Variants in C3 observed in about 807,000 individuals in gnomAD.
C3 encodes the protein complement C3.
In C3, 97 loss-of-function variants were observed where a neutral mutation model predicts 207.9. The ratio of observed to expected loss-of-function variants is 0.47; its 90% confidence interval spans 0.40 to 0.55. The LOEUF (loss-of-function observed/expected upper bound fraction) is 0.55. C3 is among the 20% of genes least tolerant of loss of function. The pLI, the probability that C3 is intolerant of heterozygous loss-of-function variation, is 0.00. For missense variants in C3, 1,684 were observed against 2,171.7 expected (o/e 0.78, Z 4.46); for synonymous variants, 848 against 857.6 (o/e 0.99, Z 0.20).
In C3 at chr19:6,710,526, AAGG is replaced by A. The variant is rs202116720; in HGVS notation, c.1686+110_1686+112del. The A allele has an allele frequency of 1.9e-3, 1,478 of 789,866 alleles. 29 individuals are homozygous for A. The Admixed American group carries it at 0.029, about 15-fold the overall frequency. 48.9% of individuals were successfully genotyped at this position (789,866 alleles called of 1,614,324 possible). On this transcript the variant is annotated intron_variant, in intron 13 of 40. Transcript: ENST00000245907. ...AAGGGAGAGGAAGAGAAGAGAGAGA[AAGG>A]AGAGAGAAAAGGAGAAAGGGAGAGA...
At chr19:6,696,530 C>T (rs1360845003) in intron 22 of C3, 63 bp downstream of exon 22, 2 of 1,599,196 alleles carry the variant, frequency 1.3e-6, no homozygotes, top group South Asian at 1.1e-5. Flanking sequence ...CCTCACTAAA[C>T]CCAGGTCATT....
chr19:6,680,226 A>G lies in C3; in HGVS notation c.4388T>C (p.Val1463Ala), dbSNP rs192424805. Residue 1463 changes from valine to alanine, a missense_variant, in exon 36 of 41, where the codon GTT becomes GCT. Transcript: ENST00000245907. ...HSEDDCLAFK[V>A]HQYFNVELIQ... ...AAGCTCTACATTAAAGTATTGGTGA[A>G]CTTTGAAAGCTAGACAGTCATCCTC... is the stretch of plus-strand genomic sequence containing the variant. 3.1e-6 allele frequency: 5 copies of G among 1,613,088 alleles called. No homozygotes were observed. In the East Asian group the frequency reaches 6.7e-5, roughly 22 times the overall value.
At chr19:6,709,964 A>C in intron 13 of C3, 122 bp from the exon 14 acceptor site, 1 of 311,236 alleles carries the variant, frequency 3.2e-6, no homozygotes. Context: ...GGGGCTGGGG[A>C]GGGGGAGAGA....
chr19:6,679,335 G>T, intron 37 of C3, 72 bp downstream of exon 37: 1 of 1,468,390 alleles, frequency 6.8e-7, no homozygotes, highest in Non-Finnish European at 9.5e-7. Context: ...GGGGGTCCCT[G>T]ACCATGGGAT....
At chr19:6,700,074 T>G (rs1321046712) in intron 19 of C3, among the ~76,000 whole-genome samples, 1 of 146,952 alleles carries the variant, frequency 6.8e-6, no homozygotes, top group African/African-American at 2.5e-5. Flanking sequence ...TATAATAAAT[T>G]ATGGTTTATT....
intron 29 of C3, among the ~76,000 whole-genome samples, chr19:6,685,442 C>A (rs1917980850): frequency 6.6e-6 from 1 of 152,100 alleles, no homozygotes; most frequent in African/African-American, 2.4e-5. Flanking sequence ...AGTCTAGACC[C>A]ATCAAGAGGA....
At chr19:6,689,367 CTCTCTCTCTCTCTCTCT>C (rs1918113107) in intron 27 of C3, among the ~76,000 whole-genome samples, 1 of 128,968 alleles carries the variant, frequency 7.8e-6, no homozygotes, top group African/African-American at 3.3e-5. Context: ...CTCCCTCTCT[CTCTCTCTCTCTCTCTCT>C]CTCTGCCTTG....
At position 6,678,408 on chromosome 19, in the gene C3, C is replaced by T. The variant is rs750498103; in HGVS notation, c.4678G>A (p.Glu1560Lys). ...GTCTGCTCAATGGCCATGATGTACT[C>T]GTCAAAGTCATTGGACAGCTGAACC... Reference protein sequence around the residue: ...VKVQLSNDFDEYIMAIEQTIK... With the variant: ...VKVQLSNDFDKYIMAIEQTIK... Residue 1560 changes from glutamate to lysine, a missense_variant, in exon 39 of 41, where the codon GAG becomes AAG. Glu to Lys is a moderately conservative substitution (Grantham distance 56). This residue lies in a region of C3 where 346 missense variants were observed against 380.1 expected (regional missense o/e 0.91). Coordinates refer to ENST00000245907, the MANE Select transcript of C3 (RefSeq NM_000064.4). 1.2e-6 allele frequency: 2 copies of T among 1,614,144 alleles called. No individual in the cohort carries two copies. The highest frequency in any genetic ancestry group is 2.2e-5 in the East Asian group (1 of 44,888).
intron 17 of C3, among the ~76,000 whole-genome samples, chr19:6,703,409 A>AC (rs1388802545): frequency 9.9e-5 from 15 of 152,206 alleles, no homozygotes; most frequent in African/African-American, 3.6e-4. Context: ...GGAGTTCGAG[A>AC]CAGCCTGGCC....
At chr19:6,720,479 A>G in intron 1 of C3, 37 bp downstream of exon 1, 1 of 1,488,724 alleles carries the variant, frequency 6.7e-7, no homozygotes, top group Non-Finnish European at 9.2e-7. Context: ...CCACCCCAGA[A>G]CCAGCCCTGT....
chr19:6,689,625 C>G (rs1029701254), intron 27 of C3, among the ~76,000 whole-genome samples: 9 of 152,060 alleles, frequency 5.9e-5, no homozygotes, highest in Non-Finnish European at 1.0e-4. Context: ...GTGGGTGGAT[C>G]ACTTGAGGTC....
intron 27 of C3, among the ~76,000 whole-genome samples, chr19:6,688,223 C>T (rs1918062353): frequency 6.6e-6 from 1 of 152,038 alleles, no homozygotes; most frequent in African/African-American, 2.4e-5. Flanking sequence ...CTCCGCCTCC[C>T]GGGTTCAAGC....
At chr19:6,680,408 T>A (rs1917830709) in intron 35 of C3, 145 bp from the exon 36 acceptor site, 13 of 650,020 alleles carry the variant, frequency 2.0e-5, no homozygotes, top group South Asian at 2.0e-4. Context: ...ATCCATTTAC[T>A]TTTCTTCCTA....
intron 26 of C3, among the ~76,000 whole-genome samples, chr19:6,691,123 G>A (rs406414): frequency 0.032 from 4,678 of 146,814 alleles, 228 homozygotes; most frequent in African/African-American, 0.11. Flanking sequence ...GCGCAATCTC[G>A]ACTCCCTGCA....
Position 6,709,827 on chromosome 19 carries a change from C to T in C3, c.1702G>A (p.Gly568Ser), listed in dbSNP as rs749836289. 12 of 1,613,716 alleles carry T rather than the reference C, an allele frequency of 7.4e-6. No homozygotes were observed. Among genetic ancestry groups the T allele is most frequent in the Middle Eastern group, 1.6e-4 (1 of 6,082 alleles). The change falls in exon 14 of 41, where the codon GGC becomes AGC. Residue 568 changes from glycine (G) to serine (S), a missense_variant. Physicochemically the swap from Gly to Ser is moderately conservative, Grantham distance 56 (BLOSUM62 0). Transcript: ENST00000245907. The stretch of plus-strand genomic sequence containing the variant: ...ACAGGCTGCCGGTCTTCTGACTGGC[C>T]GCTTTTTACCACCAGCTGTGGGGAG... Reference protein sequence around the residue: ...SCVGSLVVKSGQSEDRQPVPG... With the variant: ...SCVGSLVVKSSQSEDRQPVPG...
intron 12 of C3, 68 bp from the exon 13 acceptor site, chr19:6,710,913 T>A (rs1806425948): frequency 1.2e-6 from 2 of 1,601,704 alleles, no homozygotes; most frequent in Non-Finnish European, 1.7e-6. Flanking sequence ...GGATCCGGGA[T>A]GGGGGAAGGA....
intron 14 of C3, 21 bp from the exon 15 acceptor site, chr19:6,707,950 G>T (rs765604330): frequency 1.2e-6 from 2 of 1,612,852 alleles, no homozygotes; most frequent in Non-Finnish European, 1.7e-6. Context: ...CATAGGGGTG[G>T]CGGGACGCAG....
chr19:6,720,477 G>T, intron 1 of C3, 39 bp downstream of exon 1: 1 of 1,470,478 alleles, frequency 6.8e-7, no homozygotes, highest in Non-Finnish European at 9.4e-7. Context: ...TTCCACCCCA[G>T]AACCAGCCCT....
At chr19:6,684,062 G>A (rs1447599056) in intron 33 of C3, among the ~76,000 whole-genome samples, 1 of 152,246 alleles carries the variant, frequency 6.6e-6, no homozygotes. Context: ...TTGTGCCACT[G>A]CACTCCAGCC....
Sources: gnomAD v4.1 joint callset for allele counts (sites outside exome capture counted in the v4.1 genomes callset) on GRCh38, gnomAD v4.1.1 for gene constraint, gnomAD v4.1.1 regional missense constraint, MANE v1.5 for transcripts, NCBI Gene and HGNC (gene_info 2026-07-23, HGNC 2026-07-21) for gene names.